The following EPHA6 variants were observed in gnomAD, a reference collection of about 807,000 sequenced individuals.
EPHA6 encodes the protein ephrin type-A receptor 6.
A neutral mutation model predicts 112.0 loss-of-function variants in EPHA6; 50 were observed. The observed-to-expected ratio is 0.45, with a 90% CI of 0.36 to 0.56. The LOEUF is 0.56. Among genes scored for constraint, EPHA6 ranks in the 20% least tolerant of loss-of-function variants. EPHA6 has a pLI of 0.00. For synonymous variants in EPHA6, 529 were observed against 490.7 expected (o/e 1.08, Z -1.03); for missense variants, 1,280 against 1,417.4 (o/e 0.90, Z 1.56).
At chr3:97,402,382 C>A in intron 5 of EPHA6, among the ~76,000 whole-genome samples, 1 of 151,990 alleles carries the variant, frequency 6.6e-6, no homozygotes, top group South Asian at 2.1e-4. Flanking sequence ...TAACCTGATT[C>A]TTTCATCATT....
At chr3:97,092,387 A>G (rs768675382) in intron 3 of EPHA6, among the ~76,000 whole-genome samples, 13 of 152,032 alleles carry the variant, frequency 8.6e-5, no homozygotes, top group Non-Finnish European at 1.5e-4. Context: ...CTGTCAGTGT[A>G]TGGATACCCC....
At chr3:97,307,273 T>C (rs561116656) in intron 5 of EPHA6, among the ~76,000 whole-genome samples, 4 of 151,894 alleles carry the variant, frequency 2.6e-5, no homozygotes, top group South Asian at 2.1e-4. Context: ...AAGGTCTCAA[T>C]TGATGAAATT....
chr3:97,016,014 TCATTCTTC>T (rs1477973684), intron 3 of EPHA6, among the ~76,000 whole-genome samples: 1 of 151,444 alleles, frequency 6.6e-6, no homozygotes, highest in African/African-American at 2.4e-5. Context: ...TGCAGTTTGT[TCATTCTTC>T]CATTCTTCAT....
chr3:96,923,752 T>C (rs950371079), intron 2 of EPHA6, among the ~76,000 whole-genome samples: 2 of 152,188 alleles, frequency 1.3e-5, no homozygotes, highest in African/African-American at 4.8e-5. Context: ...AGAGATTTTA[T>C]AGTTTTGGGT....
At chr3:97,005,050 GC>G (rs2043824938) in intron 3 of EPHA6, among the ~76,000 whole-genome samples, 1 of 152,178 alleles carries the variant, frequency 6.6e-6, no homozygotes. Context: ...GTAGTGTGAT[GC>G]CTCCAGCTTT....
At chr3:97,606,474 A>C (rs2093680872) in intron 12 of EPHA6, among the ~76,000 whole-genome samples, 1 of 151,306 alleles carries the variant, frequency 6.6e-6, no homozygotes, top group South Asian at 2.1e-4. Context: ...TGAGGAGTCC[A>C]ATGTCACAAA....
chr3:97,532,765 A>G (rs895365740), intron 11 of EPHA6, among the ~76,000 whole-genome samples: 2 of 152,038 alleles, frequency 1.3e-5, no homozygotes, highest in Admixed American at 1.3e-4. Flanking sequence ...CATTCCTAAC[A>G]TAACTTAAAG....
At chr3:97,530,296 G>A (rs1237182945) in intron 10 of EPHA6, among the ~76,000 whole-genome samples, 1 of 151,894 alleles carries the variant, frequency 6.6e-6, no homozygotes, top group Non-Finnish European at 1.5e-5. Context: ...TTATGCATAA[G>A]AGAAAATCTT....
intron 3 of EPHA6, among the ~76,000 whole-genome samples, chr3:97,179,761 C>CTCTCTCTCTCTCTCTCT (rs1214540454): frequency 1.3e-4 from 18 of 142,764 alleles, no homozygotes; most frequent in African/African-American, 4.3e-4. Context: ...CTCTCTCTCT[C>CTCTCTCTCTCTCTCTCT]CTGAACCACT....
intron 7 of EPHA6, among the ~76,000 whole-genome samples, chr3:97,459,769 C>T (rs527602844): frequency 5.3e-5 from 8 of 152,252 alleles, no homozygotes; most frequent in African/African-American, 1.2e-4. Context: ...TCCCTAGAGA[C>T]GATTTTAGCC....
At chr3:97,192,315 T>C (rs976613111) in intron 3 of EPHA6, among the ~76,000 whole-genome samples, 29 of 152,014 alleles carry the variant, frequency 1.9e-4, no homozygotes, top group Non-Finnish European at 3.7e-4. Context: ...TTTTGTTTAG[T>C]AGAGATGGGG....
intron 3 of EPHA6, among the ~76,000 whole-genome samples, chr3:97,213,466 A>G (rs991678745): frequency 4.6e-5 from 7 of 152,186 alleles, no homozygotes; most frequent in Admixed American, 4.6e-4. Flanking sequence ...GAAAAGAAAA[A>G]ACGGGTGGGG....
At chr3:97,246,238 A>T (rs2078983186) in intron 5 of EPHA6, among the ~76,000 whole-genome samples, 1 of 151,968 alleles carries the variant, frequency 6.6e-6, no homozygotes, top group Admixed American at 6.6e-5. Flanking sequence ...AATACAATCT[A>T]GTACAACGAT....
intron 5 of EPHA6, among the ~76,000 whole-genome samples, chr3:97,262,537 C>T (rs2079538895): frequency 6.6e-6 from 1 of 152,122 alleles, no homozygotes; most frequent in Non-Finnish European, 1.5e-5. Flanking sequence ...GAAATGTATG[C>T]CCAGTCAATC....
At chr3:97,563,141 T>C (rs548655824) in intron 11 of EPHA6, among the ~76,000 whole-genome samples, 1 of 152,236 alleles carries the variant, frequency 6.6e-6, no homozygotes, top group East Asian at 1.9e-4. Context: ...GGTATTCTTG[T>C]AATGCGTAAT....
chr3:97,641,585 G>A (rs536255558), intron 14 of EPHA6, among the ~76,000 whole-genome samples: 10 of 152,336 alleles, frequency 6.6e-5, no homozygotes, highest in East Asian at 3.9e-4. Context: ...TGGGTGCAGC[G>A]CACCATGCGC....
intron 13 of EPHA6, among the ~76,000 whole-genome samples, chr3:97,632,420 G>A (rs1224212088): frequency 6.6e-6 from 1 of 151,980 alleles, no homozygotes; most frequent in Non-Finnish European, 1.5e-5. Context: ...TTTTAGCCAA[G>A]GTTTGAGATC....
intron 5 of EPHA6, among the ~76,000 whole-genome samples, chr3:97,379,329 C>T (rs1260173908): frequency 6.6e-6 from 1 of 152,016 alleles, no homozygotes; most frequent in African/African-American, 2.4e-5. Flanking sequence ...CAGACTAATA[C>T]AATGACTAAT....
chr3:96,906,634 T>G (rs1216728978), intron 2 of EPHA6, among the ~76,000 whole-genome samples: 1 of 152,096 alleles, frequency 6.6e-6, no homozygotes, highest in Non-Finnish European at 1.5e-5. Context: ...TTCAACCACA[T>G]CATTTGTTCT....
Sources: allele counts gnomAD v4.1 joint callset (sites outside exome capture counted in the v4.1 genomes callset), GRCh38; gene constraint gnomAD v4.1.1; transcripts MANE v1.5; gene names NCBI Gene and HGNC (gene_info 2026-07-23, HGNC 2026-07-21).